PTPRD: variants seen among roughly 807,000 people sequenced by gnomAD.
PTPRD encodes protein tyrosine phosphatase receptor type D.
A neutral mutation model predicts 214.5 loss-of-function variants in PTPRD; 34 were observed. That is an observed-to-expected ratio of 0.16 (90% CI 0.12 to 0.21). The LOEUF (loss-of-function observed/expected upper bound fraction) is 0.21, where lower values mean the gene tolerates loss of function less well. Ranked by LOEUF, PTPRD falls within the 10% of genes least tolerant of loss-of-function variation. PTPRD has a pLI of 1.00. For missense variants in PTPRD, 2,545 were observed against 2,398.7 expected (o/e 1.06, Z -1.27); for synonymous variants, 1,128 against 845.7 (o/e 1.33, Z -5.79).
At chr9:9,942,260 C>G (rs540592945) in intron 4 of PTPRD, among the ~76,000 whole-genome samples, 55 of 152,130 alleles carry the variant, frequency 3.6e-4, no homozygotes, top group Admixed American at 9.8e-4. Flanking sequence ...CAATGATTTA[C>G]CAATATTATG....
At chr9:10,304,236 T>A (rs915000819) in intron 3 of PTPRD, among the ~76,000 whole-genome samples, 1 of 152,126 alleles carries the variant, frequency 6.6e-6, no homozygotes, top group Non-Finnish European at 1.5e-5. Flanking sequence ...AAACTCTCAA[T>A]ACGCTAGGTA....
At chr9:10,308,531 C>T (rs10809067) in intron 3 of PTPRD, among the ~76,000 whole-genome samples, 28,760 of 140,906 alleles carry the variant, frequency 0.2, 2,878 homozygotes, top group African/African-American at 0.3. Context: ...TTCAAGATTG[C>T]TTTGGCTATT....
At chr9:10,190,386 GAAAAAAAAA>G (rs66511711) in intron 3 of PTPRD, among the ~76,000 whole-genome samples, 2 of 50,156 alleles carry the variant, frequency 4.0e-5, no homozygotes, top group Non-Finnish European at 7.3e-5. Flanking sequence ...TCTATCTCCA[GAAAAAAAAA>G]AAAAAAAAAA....
At chr9:9,769,503 T>C (rs1291488413) in intron 5 of PTPRD, among the ~76,000 whole-genome samples, 1 of 151,682 alleles carries the variant, frequency 6.6e-6, no homozygotes, top group Non-Finnish European at 1.5e-5. Flanking sequence ...TTTTTTGTAT[T>C]TTTTAGTAGA....
chr9:9,825,396 C>G (rs201391469), intron 5 of PTPRD, among the ~76,000 whole-genome samples: 15 of 145,018 alleles, frequency 1.0e-4, no homozygotes, highest in African/African-American at 3.8e-4. Context: ...GAGAGAGAGA[C>G]AGAGAGAGAA....
At chr9:9,058,753 GT>G (rs892200353) in intron 10 of PTPRD, among the ~76,000 whole-genome samples, 5 of 150,850 alleles carry the variant, frequency 3.3e-5, no homozygotes, top group Admixed American at 6.6e-5. Context: ...CCGGCCGAGG[GT>G]TTTTTTTTAA....
At chr9:8,854,640 C>G (rs1047851802) in intron 11 of PTPRD, among the ~76,000 whole-genome samples, 4 of 152,100 alleles carry the variant, frequency 2.6e-5, no homozygotes, top group Non-Finnish European at 4.4e-5. Context: ...CATGGCTGGT[C>G]GATTTCAAAT....
intron 9 of PTPRD, among the ~76,000 whole-genome samples, chr9:9,188,770 G>C (rs1008751730): frequency 2.0e-5 from 3 of 151,724 alleles, no homozygotes; most frequent in African/African-American, 7.3e-5. Context: ...TATGAGAGTG[G>C]ACGTCAACCT....
At chr9:8,393,943 T>C (rs4742498) in intron 36 of PTPRD, among the ~76,000 whole-genome samples, 68,668 of 151,360 alleles carry the variant, frequency 0.45, 16,085 homozygotes, top group East Asian at 0.59. Flanking sequence ...TGGCTGTTAA[T>C]GCAAGCCTGT....
At chr9:9,350,639 C>T (rs747459023) in intron 9 of PTPRD, among the ~76,000 whole-genome samples, 16 of 151,972 alleles carry the variant, frequency 1.1e-4, no homozygotes, top group South Asian at 6.2e-4. Context: ...ATATTTTCTA[C>T]GGTTCATTCT....
chr9:8,811,111 A>G (rs2096793505), intron 11 of PTPRD, among the ~76,000 whole-genome samples: 1 of 152,202 alleles, frequency 6.6e-6, no homozygotes, highest in South Asian at 2.1e-4. Flanking sequence ...CTTACGGCAC[A>G]AAAAGCAACT....
chr9:9,112,593 T>A (rs926178849), intron 10 of PTPRD, among the ~76,000 whole-genome samples: 3 of 152,188 alleles, frequency 2.0e-5, no homozygotes, highest in Non-Finnish European at 4.4e-5. Flanking sequence ...GTGGCTTTAC[T>A]CTCTTGACTG....
At chr9:10,056,672 T>C (rs1320926257) in intron 3 of PTPRD, among the ~76,000 whole-genome samples, 2 of 152,086 alleles carry the variant, frequency 1.3e-5, no homozygotes, top group Non-Finnish European at 2.9e-5. Flanking sequence ...GTAACTGTGA[T>C]TCAGTTAAGT....
At chr9:9,065,651 T>C (rs2099727872) in intron 10 of PTPRD, among the ~76,000 whole-genome samples, 1 of 152,134 alleles carries the variant, frequency 6.6e-6, no homozygotes, top group African/African-American at 2.4e-5. Flanking sequence ...TTACAAGCTA[T>C]GATGGAAGAA....
intron 39 of PTPRD, among the ~76,000 whole-genome samples, chr9:8,352,257 G>A (rs79044274): frequency 2.2e-4 from 34 of 152,196 alleles, no homozygotes; most frequent in African/African-American, 6.7e-4. Flanking sequence ...TGAATATGCC[G>A]CAGCAGGTCT....
intron 12 of PTPRD, among the ~76,000 whole-genome samples, chr9:8,645,414 C>T (rs987540457): frequency 1.3e-5 from 2 of 152,198 alleles, no homozygotes; most frequent in African/African-American, 4.8e-5. Context: ...ACAAATACCT[C>T]AATACAGTTC....
intron 7 of PTPRD, among the ~76,000 whole-genome samples, chr9:9,632,124 C>T (rs943542168): frequency 6.6e-6 from 1 of 152,128 alleles, no homozygotes; most frequent in Non-Finnish European, 1.5e-5. Context: ...GCGTTATTCA[C>T]AATAGCCACA....
intron 6 of PTPRD, among the ~76,000 whole-genome samples, chr9:9,755,142 T>G (rs2098556170): frequency 6.6e-6 from 1 of 151,970 alleles, no homozygotes; most frequent in South Asian, 2.1e-4. Context: ...CACTCAGGTT[T>G]GAGAACCCCA....
intron 2 of PTPRD, among the ~76,000 whole-genome samples, chr9:10,439,704 T>C (rs1057151283): frequency 6.6e-6 from 1 of 151,826 alleles, no homozygotes; most frequent in African/African-American, 2.4e-5. Context: ...ACAGACTGTT[T>C]GGAATTTTCC....
Sources: gnomAD v4.1 joint callset for allele counts (sites outside exome capture counted in the v4.1 genomes callset) on GRCh38, gnomAD v4.1.1 for gene constraint, MANE v1.5 for transcripts, NCBI Gene and HGNC (gene_info 2026-07-23, HGNC 2026-07-21) for gene names.